KMT2A: variants seen among roughly 807,000 people sequenced by gnomAD.
The protein encoded by KMT2A is lysine methyltransferase 2A.
Under a neutral mutation model 345.3 loss-of-function variants are expected in KMT2A, and 16 were observed. The observed-to-expected ratio is 0.05, with a 90% CI of 0.03 to 0.07. The LOEUF (loss-of-function observed/expected upper bound fraction) is 0.07. KMT2A is among the 10% of genes least tolerant of loss of function. KMT2A has a pLI of 1.00. For synonymous variants in KMT2A, 1,599 were observed against 1,778.6 expected (o/e 0.90, Z 2.54); for missense variants, 3,272 against 4,841.6 (o/e 0.68, Z 9.62).
At chr11:118,456,624 C>T (rs982972820) in intron 1 of KMT2A, among the ~76,000 whole-genome samples, 36 of 152,268 alleles carry the variant, frequency 2.4e-4, no homozygotes, top group African/African-American at 7.0e-4. Context: ...AGGCATGAGC[C>T]GCCGCGCCTG....
In KMT2A at chr11:118,505,939, G is replaced by A. The variant is rs2134409608; in HGVS notation, c.10047G>A (p.Met3349Ile). 1 of 1,614,092 alleles carries A rather than the reference G, an allele frequency of 6.2e-7. No homozygotes were observed. The highest frequency in any genetic ancestry group is 8.5e-7 in the Non-Finnish European group (1 of 1,180,022). The change falls in exon 27 of 36, where the codon ATG becomes ATA. Residue 3349 changes from methionine (M) to isoleucine (I), a missense_variant. Physicochemically the swap from Met to Ile is conservative, Grantham distance 10 (BLOSUM62 1). This residue lies in a region of KMT2A where 748 missense variants were observed against 922.2 expected (regional missense o/e 0.81). Coordinates refer to ENST00000534358, the MANE Select transcript of KMT2A (RefSeq NM_001197104.2). This position sits in a 1 kb window ranked among gnomAD's most constrained non-coding sequence, Gnocchi z 4.6. ...CCTCTGTCTTGAATGTTGTATCCAT[G>A]CAAACTACCACAACCCCTACAAGTA... Reference protein sequence around the residue: ...SSSSVLNVVSMQTTTTPTSSA... With the variant: ...SSSSVLNVVSIQTTTTPTSSA...
At chr11:118,487,415 C>T (rs1180843047) in intron 10 of KMT2A, among the ~76,000 whole-genome samples, 1 of 152,158 alleles carries the variant, frequency 6.6e-6, no homozygotes, top group East Asian at 1.9e-4. Flanking sequence ...GATAAACTCT[C>T]CTCCATGCGA....
chr11:118,496,174 T>C lies in KMT2A; in HGVS notation c.5558-87T>C. ...TAGGCTGTGGGCTATGTAAGCTGAATTATTTCTTTTTTCCTTGAAATCAGA... is the reference window on the plus strand; with the variant it reads ...TAGGCTGTGGGCTATGTAAGCTGAACTATTTCTTTTTTCCTTGAAATCAGA... On this transcript the variant is annotated intron_variant, in intron 19 of 35. Transcript: ENST00000534358. The surrounding 1 kb of genome is among the most constrained non-coding windows in gnomAD (Gnocchi z 4.7). 9.8e-7 allele frequency: 1 copy of C among 1,023,832 alleles called. No individual in the cohort carries two copies. The highest frequency in any genetic ancestry group is 1.6e-5 in the African/African-American group (1 of 63,034). 63.4% of individuals were successfully genotyped at this position (1,023,832 alleles called of 1,614,324 possible). A position where few individuals can be genotyped will look rare whatever the true frequency, so the allele number is the denominator to read the frequency against.
chr11:118,491,756 A>G lies in KMT2A; in HGVS notation c.4832A>G (p.Glu1611Gly). The change falls in exon 15 of 36, where the codon GAG (glutamate) becomes GGG (glycine). Residue 1611 changes from glutamate to glycine, a missense_variant. By Grantham distance (98) the Glu-to-Gly change is moderately conservative (BLOSUM62 -2). This residue lies in a region of KMT2A where 120 missense variants were observed against 280.4 expected (regional missense o/e 0.43). Coordinates refer to ENST00000534358, the MANE Select transcript of KMT2A (RefSeq NM_001197104.2). This position sits in a 1 kb window ranked among gnomAD's most constrained non-coding sequence, Gnocchi z 4.2. ...TTTGTTTTCTTAGATGAGATGTATG[A>G]GATTCTATCTAATCTGCCAGAAAGT... is the stretch of plus-strand genomic sequence containing the variant. ...NLSGTEDEMY[E>G]ILSNLPESVA... 6.2e-7 allele frequency: 1 copy of G among 1,604,250 alleles called. No individual in the cohort carries two copies.
intron 1 of KMT2A, chr11:118,449,075 T>TA (rs1276227354): frequency 2.0e-5 from 3 of 152,142 alleles, no homozygotes; most frequent in African/African-American, 4.8e-5. Context: ...GTTGGAGTAA[T>TA]AAAAAATACC....
At chr11:118,466,279 G>A (rs181715956) in intron 1 of KMT2A, among the ~76,000 whole-genome samples, 42 of 152,174 alleles carry the variant, frequency 2.8e-4, no homozygotes, top group African/African-American at 8.7e-4. Context: ...GCAGTGAGCC[G>A]TGATCACACC....
At position 118,481,987 on chromosome 11, in the gene KMT2A, C is replaced by T; in HGVS notation, c.3907C>T (p.Leu1303=). The change falls in exon 7 of 36, where the codon CTG becomes TTG. Residue 1303 remains leucine, a synonymous_variant. Coordinates refer to ENST00000534358, the MANE Select transcript of KMT2A (RefSeq NM_001197104.2). The part of the protein sequence containing the change: ...KSSKQVSQPA[L]VIPPQPPTTG... ...AAGCAAGCAGGTCTCCCAGCCAGCACTGGTCATCCCGCCTCAGCCACCTAC... is the reference window on the plus strand; with the variant it reads ...AAGCAAGCAGGTCTCCCAGCCAGCATTGGTCATCCCGCCTCAGCCACCTAC... 6.2e-7 allele frequency: 1 copy of T among 1,614,200 alleles called. No individual in the cohort carries two copies.
chr11:118,508,385 AAT>A (rs1345031033), intron 28 of KMT2A, among the ~76,000 whole-genome samples: 2 of 151,966 alleles, frequency 1.3e-5, no homozygotes, highest in East Asian at 3.9e-4. Context: ...ACAATATTTT[AAT>A]GAGTCCTCTA....
chr11:118,462,233 T>C (rs973881347), intron 1 of KMT2A, among the ~76,000 whole-genome samples: 1 of 151,974 alleles, frequency 6.6e-6, no homozygotes, highest in Non-Finnish European at 1.5e-5. Flanking sequence ...GGATTACAGG[T>C]GTGAACCACC....
intron 1 of KMT2A, among the ~76,000 whole-genome samples, chr11:118,443,275 A>G (rs905518680): frequency 2.0e-5 from 3 of 152,222 alleles, no homozygotes; most frequent in Admixed American, 6.5e-5. Flanking sequence ...GAGGAAATAC[A>G]GAGACACTTG....
rs2134333096 is a variant in KMT2A, at chr11:118,489,905, T to C, written c.4575+18T>C. The C allele has an allele frequency of 6.2e-7, 1 of 1,600,388 alleles. No individual in the cohort carries two copies. Among genetic ancestry groups the C allele is most frequent in the Non-Finnish European group, 8.6e-7 (1 of 1,167,560 alleles). On this transcript the variant is annotated intron_variant, in intron 12 of 35. Transcript: ENST00000534358. The stretch of plus-strand genomic sequence containing the variant: ...AAGTCTGGGTGAGTTATACACATGA[T>C]GCTCTTTTATAGAGAACCACCATGT...
chr11:118,518,725 C>A lies in KMT2A; in HGVS notation c.11147-893C>A, dbSNP rs9332857. On this transcript the variant is annotated intron_variant, in intron 31 of 35. Coordinates refer to ENST00000534358, the MANE Select transcript of KMT2A (RefSeq NM_001197104.2). ...TTGAACCCAGGAGGTGGAGTTGTAG[C>A]GAGCTGAGATCGGACCACTGCACTC... 2.1e-5 allele frequency among the ~76,000 whole-genome samples: 3 copies of A among 140,798 alleles called. No homozygotes were observed. The South Asian group carries it at 6.8e-4, about 32-fold the overall frequency. 92.4% of individuals were successfully genotyped at this position (140,798 alleles called of 152,430 possible). A position where few individuals can be genotyped will look rare whatever the true frequency, so the allele number is the denominator to read the frequency against.
rs942230098 is a variant in KMT2A at position 118,506,100 on chromosome 11, C to T, written c.10208C>T (p.Pro3403Leu). 17 of 1,614,016 alleles carry T rather than the reference C, an allele frequency of 1.1e-5. No homozygotes were observed. Among genetic ancestry groups the T allele is most frequent in the East Asian group, 4.5e-5 (2 of 44,890 alleles). The change falls in exon 27 of 36, where the codon CCG (proline) becomes CTG (leucine). Residue 3403 changes from proline to leucine, a missense_variant. Around this residue, in one of 27 missense-constraint regions of KMT2A, gnomAD observed 748 missense variants for 922.2 expected, o/e 0.81. Transcript: ENST00000534358. ...ATTCAGGACCAGCCTGTGGCTTTAC[C>T]GCCAAGTTCAGGAATGTTTCCACAA... ...LGIQDQPVALPPSSGMFPQLG... is the reference protein window; with the variant it reads ...LGIQDQPVALLPSSGMFPQLG...
rs1412765606 is a variant in KMT2A, at chr11:118,447,822, A to T, written c.432+10878A>T. On this transcript the variant is annotated intron_variant, in intron 1 of 35. Transcript: ENST00000534358. ...AACCAGCGGTTTCCCAGCTCCACTG[A>T]CAGCAGAATAAGAGAAAATAGGTTT... 2.5e-5 allele frequency: 6 copies of T among 235,904 alleles called. No individual in the cohort carries two copies. The Admixed American group carries it at 3.2e-4, about 12-fold the overall frequency. The allele number at this position is 235,904 out of a possible 1,614,324, so 14.6% of individuals were successfully genotyped here.
intron 4 of KMT2A, among the ~76,000 whole-genome samples, chr11:118,477,431 C>G (rs1038368105): frequency 6.8e-6 from 1 of 146,142 alleles, no homozygotes; most frequent in South Asian, 2.2e-4. Flanking sequence ...TTTCTATTCT[C>G]GATTTTAGAT....
At chr11:118,512,805 T>G (rs560114932) in intron 31 of KMT2A, among the ~76,000 whole-genome samples, 8 of 149,362 alleles carry the variant, frequency 5.4e-5, no homozygotes, top group African/African-American at 2.0e-4. Context: ...TGTTTTTTGT[T>G]TTTTTTTTTT....
Position 118,472,899 on chromosome 11 carries a change from C to T in KMT2A, c.1740C>T (p.Asp580=). The part of the protein sequence containing the change: ...PPLQPASSIS[D]HTPWLMPPTI... ...TGCAGCCAGCCTCCAGTATCTCTGA[C>T]CACACACCTTGGCTTATGCCTCCAA... Residue 580 remains aspartate (D), a synonymous_variant, in exon 3 of 36, where the codon GAC becomes GAT. Coordinates refer to ENST00000534358, the MANE Select transcript of KMT2A (RefSeq NM_001197104.2). 1 of 1,614,000 alleles carries T rather than the reference C, an allele frequency of 6.2e-7. No individual in the cohort carries two copies. The highest frequency in any genetic ancestry group is 8.5e-7 in the Non-Finnish European group (1 of 1,179,988).
rs782594163 is a variant in KMT2A, at chr11:118,491,829, G to T, written c.4905G>T (p.Trp1635Cys). The T allele has an allele frequency of 7.4e-6, 12 of 1,614,034 alleles. No individual in the cohort carries two copies. The highest frequency in any genetic ancestry group is 1.0e-5 in the Non-Finnish European group (12 of 1,179,920). ...VNCTERHPAE[W>C]RLALEKELQI... ...GTACTGAGCGGCACCCTGCAGAGTG[G>T]CGACTGGCCCTTGAAAAAGAGCTGC... is the stretch of plus-strand genomic sequence containing the variant. The change falls in exon 15 of 36, where the codon TGG becomes TGT. Residue 1635 changes from tryptophan (W) to cysteine (C), a missense_variant. Physicochemically the swap from Trp to Cys is radical, Grantham distance 215. Around this residue, in one of 27 missense-constraint regions of KMT2A, gnomAD observed 66 missense variants for 80.1 expected, o/e 0.82. Transcript: ENST00000534358. This position sits in a 1 kb window ranked among gnomAD's most constrained non-coding sequence, Gnocchi z 4.2.
Position 118,489,739 on chromosome 11 carries a change from G to A in KMT2A, c.4480-53G>A, listed in dbSNP as rs114968644. On this transcript the variant is annotated intron_variant, in intron 11 of 35. Coordinates refer to ENST00000534358, the MANE Select transcript of KMT2A (RefSeq NM_001197104.2). ...TGAAATGGGGTACTAAGTAATAGGT[G>A]TTGGGTGAAGGTAATATGATGCTTA... is the stretch of plus-strand genomic sequence containing the variant. 2.5e-5 allele frequency: 37 copies of A among 1,453,578 alleles called. No individual in the cohort carries two copies. In the African/African-American group the frequency reaches 2.9e-4, roughly 11 times the overall value. The allele number at this position is 1,453,578 out of a possible 1,614,324, so 90.0% of individuals were successfully genotyped here.
Sources: gnomAD v4.1 joint callset for allele counts (sites outside exome capture counted in the v4.1 genomes callset) on GRCh38, gnomAD v4.1.1 for gene constraint, gnomAD v4.1.1 regional missense constraint, Gnocchi (gnomAD v3.1) non-coding constraint, MANE v1.5 for transcripts, NCBI Gene and HGNC (gene_info 2026-07-23, HGNC 2026-07-21) for gene names.